The following CNDP1 variants were observed in gnomAD, a reference collection of about 807,000 sequenced individuals.
The protein encoded by CNDP1 is carnosine dipeptidase 1.
In CNDP1, 44 loss-of-function variants were observed where a neutral mutation model predicts 58.1. The observed-to-expected ratio is 0.76, with a 90% CI of 0.60 to 0.97. CNDP1 has a LOEUF of 0.97. Among genes scored for constraint, CNDP1 ranks in the 50% least tolerant of loss-of-function variants. The pLI is 0.00. For synonymous variants in CNDP1, 254 were observed against 252.6 expected (o/e 1.01, Z -0.05); for missense variants, 616 against 655.1 (o/e 0.94, Z 0.65).
rs769518723 is a variant in CNDP1 at position 74,556,384 on chromosome 18, T to C, written c.71T>C (p.Met24Thr). Residue 24 changes from methionine (M) to threonine (T), a missense_variant, in exon 2 of 12, where the codon ATG becomes ACG. Coordinates refer to ENST00000358821, the MANE Select transcript of CNDP1 (RefSeq NM_032649.6). ...CTGCTGCTGCTGCTGGAGCGCGGCA[T>C]GTTCTCCTCACCCTCCCCGCCCCCG... ...AVLLLLLERG[M>T]FSSPSPPPAL... The C allele has an allele frequency of 1.9e-6, 3 of 1,612,690 alleles. No individual in the cohort carries two copies. The highest frequency in any genetic ancestry group is 1.1e-5 in the South Asian group (1 of 91,076).
At position 74,567,425 on chromosome 18, in the gene CNDP1, A is replaced by G. The variant is rs779192235; in HGVS notation, c.748A>G (p.Met250Val). 3 of 1,613,540 alleles carry G rather than the reference A, an allele frequency of 1.9e-6. No individual in the cohort carries two copies. Among genetic ancestry groups the G allele is most frequent in the South Asian group, 2.2e-5 (2 of 91,060 alleles). The change falls in exon 6 of 12, where the codon ATG becomes GTG. Residue 250 changes from methionine to valine, a missense_variant. Physicochemically the swap from Met to Val is conservative, Grantham distance 21 (BLOSUM62 1). Coordinates refer to ENST00000358821, the MANE Select transcript of CNDP1 (RefSeq NM_032649.6). Reference sequence around the variant, plus strand: ...CGGAACCCGGGGGAACAGCTACTTCATGGTGGAGGTATCCACAGAGAGCAG... The same window carrying G: ...CGGAACCCGGGGGAACAGCTACTTCGTGGTGGAGGTATCCACAGAGAGCAG... ...TYGTRGNSYFMVEVKCRDQDF... is the reference protein window; with the variant it reads ...TYGTRGNSYFVVEVKCRDQDF...
rs149425855 is a variant in CNDP1, at chr18:74,571,246, A to G, written c.817A>G (p.Met273Val). 4.2e-5 allele frequency: 68 copies of G among 1,612,678 alleles called. No individual in the cohort carries two copies. In the African/African-American group the frequency reaches 7.2e-4, roughly 17 times the overall value. ...GTFGGILHEP[M>V]ADLVALLGSL... is the part of the protein sequence containing the mutation. ...CTTTGGTGGCATCCTTCATGAACCA[A>G]TGGCTGATCTGGTTGCTCTTCTCGG... The change falls in exon 7 of 12, where the codon ATG becomes GTG. Residue 273 changes from methionine to valine, a missense_variant. By Grantham distance (21) the Met-to-Val change is conservative (BLOSUM62 1). Coordinates refer to ENST00000358821, the MANE Select transcript of CNDP1 (RefSeq NM_032649.6).
intron 3 of CNDP1, 100 bp downstream of exon 3, chr18:74,559,572 C>A: frequency 9.5e-7 from 1 of 1,050,158 alleles, no homozygotes; most frequent in Non-Finnish European, 1.3e-6. Context: ...GATCCTCAAC[C>A]ACAACCCCCC....
At chr18:74,557,286 A>G (rs538893353) in intron 2 of CNDP1, among the ~76,000 whole-genome samples, 3 of 152,026 alleles carry the variant, frequency 2.0e-5, no homozygotes, top group East Asian at 1.9e-4. Context: ...CAGTGGCACA[A>G]ACACAGCTCA....
intron 1 of CNDP1, among the ~76,000 whole-genome samples, chr18:74,543,503 A>G (rs909681471): frequency 2.1e-5 from 3 of 142,838 alleles, no homozygotes; most frequent in Non-Finnish European, 3.0e-5. Flanking sequence ...AAAAAATAAA[A>G]CAAAACAAAA....
At position 74,545,590 on chromosome 18, in the gene CNDP1, TCCTCCTCGCCACC is replaced by T; in HGVS notation, c.25-10740_25-10728del. Among the ~76,000 whole-genome samples the T allele has an allele frequency of 6.6e-6, 1 of 152,220 alleles. No homozygotes were observed. Among genetic ancestry groups the T allele is most frequent in the South Asian group, 2.1e-4 (1 of 4,822 alleles). ...CTGACTCCGTGAGAAATCTCTGCTC[TCCTCCTCGCCACC>T]CCTCCTCTGTCCCCAGTCCACGTCT... On this transcript the variant is annotated intron_variant, in intron 1 of 11. Transcript: ENST00000358821. This position sits in a 1 kb window ranked among gnomAD's most constrained non-coding sequence, Gnocchi z 4.1.
intron 1 of CNDP1, among the ~76,000 whole-genome samples, chr18:74,547,210 T>C (rs894336848): frequency 6.6e-6 from 1 of 152,252 alleles, no homozygotes; most frequent in South Asian, 2.1e-4. Flanking sequence ...TTCTGTGTTA[T>C]AACAAATTCA....
chr18:74,583,820 G>C, intron 11 of CNDP1, 112 bp downstream of exon 11: 4 of 1,072,626 alleles, frequency 3.7e-6, no homozygotes, highest in African/African-American at 1.5e-5. Flanking sequence ...AAATCGTCCA[G>C]ACTGGGAGCT....
intron 1 of CNDP1, among the ~76,000 whole-genome samples, chr18:74,540,128 T>C (rs537897751): frequency 8.8e-4 from 134 of 152,178 alleles, no homozygotes; most frequent in African/African-American, 3.2e-3. Context: ...CTAAATAGGA[T>C]CTACACTTTA....
chr18:74,574,947 A>T (rs1340238599), intron 7 of CNDP1: 1 of 148,590 alleles, frequency 6.7e-6, no homozygotes, highest in African/African-American at 2.5e-5. Context: ...TGGGTGGCAG[A>T]GCAAGCTCTG....
At position 74,534,540 on chromosome 18, in the gene CNDP1, C is replaced by CG. The variant is rs1980434564; in HGVS notation, c.-123dup. The CG allele has an allele frequency of 6.3e-6, 6 of 949,438 alleles. No individual in the cohort carries two copies. The highest frequency in any genetic ancestry group is 1.0e-5 in the Non-Finnish European group (6 of 598,744). 58.8% of individuals were successfully genotyped at this position (949,438 alleles called of 1,614,324 possible). On this transcript the variant is annotated 5_prime_UTR_variant, in exon 1 of 12. Coordinates refer to ENST00000358821, the MANE Select transcript of CNDP1 (RefSeq NM_032649.6). ...CACTATACCAGCCTCGTCTTCCTTC[C>CG]GGGGGACAACGTGGGTCAGGGCACA...
intron 7 of CNDP1, among the ~76,000 whole-genome samples, chr18:74,572,767 G>A (rs1599099601): frequency 7.4e-6 from 1 of 134,848 alleles, no homozygotes; most frequent in East Asian, 2.1e-4. Context: ...CTGCAGCCTG[G>A]GCAAAAGAAC....
At chr18:74,549,539 A>C (rs545776476) in intron 1 of CNDP1, among the ~76,000 whole-genome samples, 1 of 152,352 alleles carries the variant, frequency 6.6e-6, no homozygotes, top group East Asian at 1.9e-4. Flanking sequence ...AAAAGATTAA[A>C]AGGAAAGCAG....
chr18:74,568,332 T>A (rs1981382961), intron 6 of CNDP1, among the ~76,000 whole-genome samples: 1 of 152,198 alleles, frequency 6.6e-6, no homozygotes, highest in African/African-American at 2.4e-5. Flanking sequence ...GGTATAGGAC[T>A]GAATAAAATA....
At chr18:74,581,262 G>GTGTGTT (rs1370976903) in intron 10 of CNDP1, among the ~76,000 whole-genome samples, 47 of 143,492 alleles carry the variant, frequency 3.3e-4, no homozygotes, top group African/African-American at 1.1e-3. Flanking sequence ...GTGTGTGTGT[G>GTGTGTT]TAAGCTTGAC....
At position 74,567,256 on chromosome 18, in the gene CNDP1, C is replaced by A. The variant is rs769932083; in HGVS notation, c.579C>A (p.Phe193Leu). ...AGGATCTTCCTGTGAATATCAAATT[C>A]ATCATTGAGGGGATGGAAGAGGCTG... The part of the protein sequence containing the change: ...LEQDLPVNIK[F>L]IIEGMEEAGS... The change falls in exon 6 of 12, where the codon TTC becomes TTA. Residue 193 changes from phenylalanine to leucine, a missense_variant. Physicochemically the swap from Phe to Leu is conservative, Grantham distance 22. Coordinates refer to ENST00000358821, the MANE Select transcript of CNDP1 (RefSeq NM_032649.6). 2 of 1,613,948 alleles carry A rather than the reference C, an allele frequency of 1.2e-6. No individual in the cohort carries two copies. The highest frequency in any genetic ancestry group is 8.5e-7 in the Non-Finnish European group (1 of 1,179,978).
intron 1 of CNDP1, among the ~76,000 whole-genome samples, chr18:74,554,991 C>T (rs1302021455): frequency 6.6e-6 from 1 of 152,012 alleles, no homozygotes; most frequent in Non-Finnish European, 1.5e-5. Flanking sequence ...CTCAAGGATG[C>T]TCTTGAGCAC....
chr18:74,557,860 CCTT>C (rs1406548796), intron 2 of CNDP1, among the ~76,000 whole-genome samples: 1 of 152,246 alleles, frequency 6.6e-6, no homozygotes, highest in Admixed American at 6.5e-5. Flanking sequence ...TTCATGCAAT[CCTT>C]CTTCTTACTG....
chr18:74,555,183 G>A (rs1307128476), intron 1 of CNDP1, among the ~76,000 whole-genome samples: 2 of 152,164 alleles, frequency 1.3e-5, no homozygotes, highest in Non-Finnish European at 2.9e-5. Context: ...TAAAAGATGG[G>A]ATTCCAGAGA....
Sources: gnomAD v4.1 joint callset for allele counts (sites outside exome capture counted in the v4.1 genomes callset) on GRCh38, gnomAD v4.1.1 for gene constraint, Gnocchi (gnomAD v3.1) non-coding constraint, MANE v1.5 for transcripts, NCBI Gene and HGNC (gene_info 2026-07-23, HGNC 2026-07-21) for gene names.